The following SVIL variants were observed in gnomAD, a reference collection of about 807,000 sequenced individuals.
The protein encoded by SVIL is supervillin.
A neutral mutation model predicts 240.4 loss-of-function variants in SVIL; 101 were observed. The observed-to-expected ratio is 0.42, with a 90% CI of 0.36 to 0.50. The LOEUF is 0.50. Among genes scored for constraint, SVIL ranks in the 20% least tolerant of loss-of-function variants. The pLI is 0.01. For synonymous variants in SVIL, 999 were observed against 1,100.0 expected (o/e 0.91, Z 1.82); for missense variants, 2,512 against 2,818.7 (o/e 0.89, Z 2.46).
intron 6 of SVIL, among the ~76,000 whole-genome samples, chr10:29,548,186 C>T (rs1198375044): frequency 6.6e-6 from 1 of 152,170 alleles, no homozygotes; most frequent in Non-Finnish European, 1.5e-5. Flanking sequence ...TTCAGTACCA[C>T]AAGGGTCTGC....
intron 1 of SVIL, among the ~76,000 whole-genome samples, chr10:29,721,257 CAA>C (rs77401405): frequency 1.3e-5 from 2 of 150,016 alleles, no homozygotes; most frequent in East Asian, 2.0e-4. Flanking sequence ...AACAAACAAA[CAA>C]AAAAACACCT....
chr10:29,725,998 T>C (rs1222934868), intron 1 of SVIL, among the ~76,000 whole-genome samples: 1 of 152,166 alleles, frequency 6.6e-6, no homozygotes, highest in Non-Finnish European at 1.5e-5. Context: ...CATAGCTCAC[T>C]ACAGCCTCGA....
intron 6 of SVIL, among the ~76,000 whole-genome samples, chr10:29,547,765 A>G (rs1952825315): frequency 6.6e-6 from 1 of 152,220 alleles, no homozygotes; most frequent in Non-Finnish European, 1.5e-5. Context: ...TAACTCAGAT[A>G]CCGTGATAAC....
chr10:29,647,637 T>TTG lies in SVIL; in HGVS notation c.-201+10330_-201+10331dup, dbSNP rs530113396. Among the ~76,000 whole-genome samples, 93 of 150,532 alleles carry TTG rather than the reference T, an allele frequency of 6.2e-4. 1 individual carries two copies. The South Asian group carries it at 7.1e-3, about 12-fold the overall frequency. ...AATGCAAATATAGGTGTGTGTGTGT[T>TTG]TGTGTGTGTGTGTGTGTAGAGACAG... On this transcript the variant is annotated intron_variant, in intron 3 of 35. Transcript: ENST00000375400.
chr10:29,646,288 C>T (rs1958655497), intron 3 of SVIL, among the ~76,000 whole-genome samples: 1 of 152,190 alleles, frequency 6.6e-6, no homozygotes. Context: ...AATTGGTTTA[C>T]CTCCTTCTCA....
chr10:29,718,043 C>T (rs925050876), intron 1 of SVIL, among the ~76,000 whole-genome samples: 29 of 152,036 alleles, frequency 1.9e-4, no homozygotes, highest in Admixed American at 6.5e-4. Flanking sequence ...TCACCTGTTT[C>T]GTGGCCAGGC....
At chr10:29,612,105 G>A (rs530546925) in intron 1 of SVIL, among the ~76,000 whole-genome samples, 4 of 152,024 alleles carry the variant, frequency 2.6e-5, no homozygotes, top group South Asian at 2.1e-4. Flanking sequence ...AAAAAAAATC[G>A]ATCCTCAGCC....
chr10:29,724,510 G>A (rs562632270), intron 1 of SVIL, among the ~76,000 whole-genome samples: 3 of 152,006 alleles, frequency 2.0e-5, no homozygotes, highest in African/African-American at 7.2e-5. Context: ...CTCAGTGTCA[G>A]GATATATGAT....
At position 29,467,939 on chromosome 10, in the gene SVIL, T is replaced by G. The variant is rs74129293; in HGVS notation, c.5844-64A>C. The G allele has an allele frequency of 5.9e-4, 900 of 1,530,406 alleles. 6 individuals are homozygous for G. In the African/African-American group the frequency reaches 0.011, roughly 19 times the overall value. The allele number at this position is 1,530,406 out of a possible 1,614,324, so 94.8% of individuals were successfully genotyped here. On this transcript the variant is annotated intron_variant, in intron 32 of 37. Coordinates refer to ENST00000355867, the MANE Select transcript of SVIL (RefSeq NM_021738.3). ...GAGAGTGCTGGTGACCCAAAATTAT[T>G]ATTACTATTATGATAACAGCTTTAT... is the stretch of plus-strand genomic sequence containing the variant.
intron 16 of SVIL, among the ~76,000 whole-genome samples, chr10:29,521,228 G>GAAAAAA (rs759415423): frequency 1.6e-5 from 1 of 63,734 alleles, no homozygotes; most frequent in Non-Finnish European, 3.6e-5. Flanking sequence ...GTCTCAAAAA[G>GAAAAAA]AAAAAAAAAA....
chr10:29,635,789 A>G (rs1958289508), upstream of SVIL, among the ~76,000 whole-genome samples: 1 of 152,186 alleles, frequency 6.6e-6, no homozygotes. Context: ...GAGAGTCTTA[A>G]TTGTCTGCAC....
intron 1 of SVIL, among the ~76,000 whole-genome samples, chr10:29,707,985 C>T (rs552755247): frequency 2.0e-4 from 30 of 152,254 alleles, no homozygotes; most frequent in Non-Finnish European, 3.4e-4. Context: ...AGGCCATGCG[C>T]GGTGGCTCAC....
rs755905797 is a variant in SVIL, at chr10:29,512,881, G to C, written c.3390-20C>G. On this transcript the variant is annotated intron_variant, in intron 16 of 37. Coordinates refer to ENST00000355867, the MANE Select transcript of SVIL (RefSeq NM_021738.3). The stretch of plus-strand genomic sequence containing the variant: ...GCCAATCTAGGAGGAAAACATGCCC[G>C]CCACAAAGAGTTCAGCACCAAACTC... The C allele has an allele frequency of 2.5e-6, 4 of 1,606,584 alleles. No individual in the cohort carries two copies. In the African/African-American group the frequency reaches 5.3e-5, roughly 21 times the overall value.
chr10:29,592,703 G>A (rs1001147169), intron 1 of SVIL, among the ~76,000 whole-genome samples: 2 of 152,174 alleles, frequency 1.3e-5, no homozygotes, highest in African/African-American at 4.8e-5. Context: ...GGTGAACTTC[G>A]TTAGGTAAAA....
intron 2 of SVIL, among the ~76,000 whole-genome samples, chr10:29,676,212 G>A (rs1960187702): frequency 6.6e-6 from 1 of 152,204 alleles, no homozygotes; most frequent in African/African-American, 2.4e-5. Flanking sequence ...CCTGAATAAA[G>A]CCTTCTTCCC....
In SVIL at chr10:29,473,824, TC is replaced by T. The variant is rs1945859627; in HGVS notation, c.5529+13del. On this transcript the variant is annotated intron_variant, in intron 30 of 37. Coordinates refer to ENST00000355867, the MANE Select transcript of SVIL (RefSeq NM_021738.3). ...CCTCTCAGTCCCCGGGGTGCAGAGC[TC>T]CCCAGGACTCACCTGGGCCCCCCTT... is the stretch of plus-strand genomic sequence containing the variant. The T allele has an allele frequency of 6.2e-7, 1 of 1,613,278 alleles. No homozygotes were observed. The highest frequency in any genetic ancestry group is 1.3e-5 in the African/African-American group (1 of 74,870).
chr10:29,613,427 G>A (rs957284957), intron 1 of SVIL, among the ~76,000 whole-genome samples: 1 of 152,054 alleles, frequency 6.6e-6, no homozygotes, highest in Non-Finnish European at 1.5e-5. Context: ...CGAACTCCTG[G>A]GCTCAAGCAA....
intron 29 of SVIL, 56 bp downstream of exon 29, chr10:29,480,481 G>A (rs1011823003): frequency 2.0e-5 from 32 of 1,590,734 alleles, no homozygotes; most frequent in African/African-American, 2.7e-5. Flanking sequence ...GCTGGCTCCC[G>A]CAGGGCTGCC....
At chr10:29,522,730 C>T (rs1043877780) in intron 15 of SVIL, 95 bp from the exon 16 acceptor site, 8 of 1,367,004 alleles carry the variant, frequency 5.9e-6, no homozygotes, top group East Asian at 2.5e-5. Context: ...GGGTTCAATC[C>T]GTGGGCACAC....
Sources: allele counts gnomAD v4.1 joint callset (sites outside exome capture counted in the v4.1 genomes callset), GRCh38; gene constraint gnomAD v4.1.1; transcripts MANE v1.5; gene names NCBI Gene and HGNC (gene_info 2026-07-23, HGNC 2026-07-21).